Variants in RBFOX1 observed in about 807,000 individuals in gnomAD.
RBFOX1 encodes RNA binding protein fox-1 homolog 1.
Under a neutral mutation model 57.7 loss-of-function variants are expected in RBFOX1, and 8 were observed. The observed-to-expected ratio is 0.14, with a 90% CI of 0.08 to 0.25. The LOEUF (loss-of-function observed/expected upper bound fraction) is 0.25, where lower values mean the gene tolerates loss of function less well. RBFOX1 is among the 10% of genes least tolerant of loss of function. The pLI is 1.00. For synonymous variants in RBFOX1, 326 were observed against 222.4 expected, an observed-to-expected ratio of 1.47 and a Z score of -4.15; for missense variants, 611 against 548.5, an observed-to-expected ratio of 1.11 and a Z score of -1.14.
At chr16:7,332,800 T>A (rs576103636) in intron 4 of RBFOX1, 2 of 1,402,172 alleles carry the variant, frequency 1.4e-6, no homozygotes, top group South Asian at 3.4e-5. Flanking sequence ...CTCTTCGTCG[T>A]CTGGGAAGAA....
At chr16:5,985,432 C>T (rs890877335) in intron 4 of RBFOX1, among the ~76,000 whole-genome samples, 1 of 152,090 alleles carries the variant, frequency 6.6e-6, no homozygotes, top group African/African-American at 2.4e-5. Context: ...TATTATGATT[C>T]CCATTTTACG....
At position 6,886,794 on chromosome 16, in the gene RBFOX1, C is replaced by A. The variant is rs56204028; in HGVS notation, c.-15-165263C>A. Among the ~76,000 whole-genome samples the A allele has an allele frequency of 1.9e-3, 285 of 150,166 alleles. 3 individuals are homozygous for A. The highest frequency in any genetic ancestry group is 6.2e-3 in the South Asian group (29 of 4,710). ...AAAACAAAACAAAACAAAAAAAAAA[C>A]CAGAAAAAAAAAGAATGAAAATGTG... On this transcript the variant is annotated intron_variant, in intron 3 of 15. Transcript: ENST00000550418.
rs183453773 is a variant in RBFOX1 at position 5,659,478 on chromosome 16, T to A, written c.318+60517T>A. Among the ~76,000 whole-genome samples, 841 of 152,018 alleles carry A rather than the reference T, an allele frequency of 5.5e-3. 5 individuals carry two copies. The highest frequency in any genetic ancestry group is 0.019 in the African/African-American group (808 of 41,484). On this transcript the variant is annotated intron_variant, in intron 3 of 19. Transcript: ENST00000641259. ...GCCACCATGCCCAGCTAATTTTTTG[T>A]ATTGTTAGTAGAGACGGGGTTTTAC...
At chr16:6,029,077 C>A (rs1048984103) in intron 1 of RBFOX1, among the ~76,000 whole-genome samples, 1 of 152,168 alleles carries the variant, frequency 6.6e-6, no homozygotes, top group East Asian at 1.9e-4. Flanking sequence ...GACTTCCGAG[C>A]TAGTCACTTC....
At chr16:5,934,208 T>A (rs1294344979) in intron 4 of RBFOX1, among the ~76,000 whole-genome samples, 1 of 152,214 alleles carries the variant, frequency 6.6e-6, no homozygotes, top group Admixed American at 6.5e-5. Context: ...TCAAATCCTG[T>A]AGGGAGAAAG....
intron 1 of RBFOX1, among the ~76,000 whole-genome samples, chr16:6,247,649 T>G (rs1317161377): frequency 6.6e-6 from 1 of 152,146 alleles, no homozygotes. Context: ...GTATCAGAGA[T>G]ACAAACACTA....
intron 1 of RBFOX1, among the ~76,000 whole-genome samples, chr16:5,332,951 C>A (rs918128707): frequency 6.6e-6 from 1 of 152,044 alleles, no homozygotes; most frequent in African/African-American, 2.4e-5. Flanking sequence ...TTTGGGAGGC[C>A]AAGGTGGGCG....
intron 1 of RBFOX1, among the ~76,000 whole-genome samples, chr16:5,388,601 G>C (rs1045046956): frequency 3.9e-5 from 6 of 151,992 alleles, no homozygotes; most frequent in Middle Eastern, 3.2e-3. Flanking sequence ...TACTGAGACA[G>C]AGTCTCGCTC....
chr16:5,640,831 A>G (rs1351329369), intron 3 of RBFOX1, among the ~76,000 whole-genome samples: 2 of 67,924 alleles, frequency 2.9e-5, no homozygotes, highest in Admixed American at 1.2e-4. Flanking sequence ...ATACACATAC[A>G]TGCACACACA....
chr16:5,404,000 C>A (rs1596882992), intron 1 of RBFOX1, among the ~76,000 whole-genome samples: 1 of 138,530 alleles, frequency 7.2e-6, no homozygotes, highest in African/African-American at 2.6e-5. Context: ...TGGGGCTGGG[C>A]ATGGGGTGGT....
chr16:5,862,666 T>C (rs1289311097), intron 3 of RBFOX1, among the ~76,000 whole-genome samples: 1 of 152,184 alleles, frequency 6.6e-6, no homozygotes, highest in African/African-American at 2.4e-5. Flanking sequence ...TTAAATCTCT[T>C]TGATCCTTAT....
At position 7,518,135 on chromosome 16, in the gene RBFOX1, T is replaced by C. The variant is rs1364041602; in HGVS notation, c.28-12T>C. On this transcript the variant is annotated splice_polypyrimidine_tract_variant and intron_variant, in intron 4 of 15. Coordinates refer to ENST00000550418, the MANE Select transcript of RBFOX1 (RefSeq NM_018723.4). ...ACGTTCTCTCCCTCTCTGCACCTTT[T>C]TGATTTTTCAGGGTAATCAGGAAGC... is the stretch of plus-strand genomic sequence containing the variant. The C allele has an allele frequency of 3.1e-6, 5 of 1,606,386 alleles. No individual in the cohort carries two copies. Among genetic ancestry groups the C allele is most frequent in the Non-Finnish European group, 4.3e-6 (5 of 1,175,932 alleles).
intron 4 of RBFOX1, among the ~76,000 whole-genome samples, chr16:7,286,830 T>C (rs2095660445): frequency 6.6e-6 from 1 of 151,790 alleles, no homozygotes; most frequent in African/African-American, 2.4e-5. Context: ...GGTTTAGCCA[T>C]GTTGGCCAGG....
chr16:5,963,501 C>T (rs1320263532), intron 4 of RBFOX1, among the ~76,000 whole-genome samples: 2 of 152,184 alleles, frequency 1.3e-5, no homozygotes, highest in African/African-American at 4.8e-5. Flanking sequence ...TTCCTGGTTT[C>T]AAATTATATT....
intron 4 of RBFOX1, chr16:7,510,344 C>A (rs2074693776): frequency 2.0e-6 from 2 of 985,168 alleles, no homozygotes; most frequent in African/African-American, 3.5e-5. Context: ...TTTAATCTTT[C>A]ACTCAAAATT....
intron 2 of RBFOX1, among the ~76,000 whole-genome samples, chr16:6,573,329 G>C (rs973877183): frequency 6.6e-6 from 1 of 152,178 alleles, no homozygotes; most frequent in African/African-American, 2.4e-5. Flanking sequence ...AAGAAACAGA[G>C]AAAGGCTTTC....
chr16:5,294,439 C>G (rs1420053931), intron 1 of RBFOX1, among the ~76,000 whole-genome samples: 1 of 152,204 alleles, frequency 6.6e-6, no homozygotes, highest in South Asian at 2.1e-4. Flanking sequence ...CTTTTCTAGC[C>G]TGCCTATGCC....
At chr16:6,789,805 T>C (rs965863593) in intron 3 of RBFOX1, among the ~76,000 whole-genome samples, 10 of 152,096 alleles carry the variant, frequency 6.6e-5, no homozygotes, top group African/African-American at 9.7e-5. Context: ...CTCTTGTAAT[T>C]TCTCATTTTC....
intron 3 of RBFOX1, among the ~76,000 whole-genome samples, chr16:6,699,144 G>T (rs2061468498): frequency 1.3e-5 from 2 of 152,102 alleles, no homozygotes; most frequent in African/African-American, 4.8e-5. Flanking sequence ...CATTTGAAGT[G>T]CCACCCAGGC....
Sources: gnomAD v4.1 joint callset for allele counts (sites outside exome capture counted in the v4.1 genomes callset) on GRCh38, gnomAD v4.1.1 for gene constraint, MANE v1.5 for transcripts, NCBI Gene and HGNC (gene_info 2026-07-23, HGNC 2026-07-21) for gene names.